The following LEKR1 variants were observed in gnomAD, a reference collection of about 807,000 sequenced individuals.
LEKR1 encodes leucine, glutamate and lysine rich 1.
Under a neutral mutation model 72.4 loss-of-function variants are expected in LEKR1, and 59 were observed. The ratio of observed to expected loss-of-function variants is 0.82; its 90% CI spans 0.66 to 1.01. The LOEUF (loss-of-function observed/expected upper bound fraction) is 1.01. Among genes scored for constraint, LEKR1 ranks in the 50% least tolerant of loss-of-function variants. The probability of loss-of-function intolerance (pLI) is 0.00; values close to 1 mark genes in which losing one functional copy is unlikely to be tolerated. For missense variants in LEKR1, 728 were observed against 759.2 expected (o/e 0.96, Z 0.48); for synonymous variants, 257 against 263.2 (o/e 0.98, Z 0.23).
intron 10 of LEKR1, among the ~76,000 whole-genome samples, chr3:157,014,008 G>A (rs894539066): frequency 2.0e-5 from 3 of 150,848 alleles, no homozygotes; most frequent in East Asian, 1.9e-4. Context: ...AAATAACTAC[G>A]TATTTACTAA....
At chr3:157,004,846 G>GA (rs1438489611) in intron 9 of LEKR1, among the ~76,000 whole-genome samples, 1 of 151,316 alleles carries the variant, frequency 6.6e-6, no homozygotes, top group Non-Finnish European at 1.5e-5. Context: ...ATGTCTATGT[G>GA]AAAAAAGAAA....
At chr3:156,926,396 A>G (rs2108575133) in intron 4 of LEKR1, among the ~76,000 whole-genome samples, 1 of 152,184 alleles carries the variant, frequency 6.6e-6, no homozygotes, top group South Asian at 2.1e-4. Context: ...ACTAATTACT[A>G]ATTACCAAAG....
chr3:156,953,162 T>TA (rs35741457), intron 6 of LEKR1, among the ~76,000 whole-genome samples: 74,337 of 146,502 alleles, frequency 0.51, 20,100 homozygotes, highest in East Asian at 0.72. Context: ...GGGGAGTCTT[T>TA]AAAAAAAAAA....
At chr3:156,837,740 T>C (rs575274459) in intron 2 of LEKR1, among the ~76,000 whole-genome samples, 2 of 152,332 alleles carry the variant, frequency 1.3e-5, no homozygotes, top group East Asian at 3.9e-4. Context: ...AATCAGACTT[T>C]GCAAAGGAGA....
intron 6 of LEKR1, among the ~76,000 whole-genome samples, chr3:156,967,206 T>G (rs1330740390): frequency 2.0e-5 from 3 of 152,050 alleles, no homozygotes; most frequent in Non-Finnish European, 4.4e-5. Flanking sequence ...CTGGAAACTC[T>G]AGAAATCAGA....
At chr3:156,858,690 A>AT (rs537186460) in intron 3 of LEKR1, among the ~76,000 whole-genome samples, 19,749 of 150,000 alleles carry the variant, frequency 0.13, 1,715 homozygotes, top group African/African-American at 0.24. Context: ...AAAAAAAAAA[A>AT]AATCTGTTTT....
intron 6 of LEKR1, among the ~76,000 whole-genome samples, chr3:156,964,072 T>G (rs1401530220): frequency 6.6e-6 from 1 of 152,182 alleles, no homozygotes; most frequent in Admixed American, 6.6e-5. Context: ...GTATGTTATA[T>G]AGTTTAGTAT....
intron 9 of LEKR1, among the ~76,000 whole-genome samples, chr3:156,997,255 T>C (rs191467055): frequency 6.6e-6 from 1 of 152,268 alleles, no homozygotes; most frequent in Non-Finnish European, 1.5e-5. Flanking sequence ...TTCCTTAAAA[T>C]TCACAATTGA....
chr3:156,922,876 G>T (rs1480512634), intron 4 of LEKR1, among the ~76,000 whole-genome samples: 3 of 152,008 alleles, frequency 2.0e-5, no homozygotes, highest in Non-Finnish European at 4.4e-5. Context: ...TACTTTTAGA[G>T]GATTACTATT....
intron 7 of LEKR1, among the ~76,000 whole-genome samples, chr3:156,984,926 GTCTC>G (rs1275006286): frequency 6.6e-6 from 1 of 151,798 alleles, no homozygotes; most frequent in Non-Finnish European, 1.5e-5. Flanking sequence ...TCTTGGGACA[GTCTC>G]TATTATTGAG....
At chr3:156,884,487 C>A (rs1389249585) in intron 3 of LEKR1, among the ~76,000 whole-genome samples, 1 of 152,088 alleles carries the variant, frequency 6.6e-6, no homozygotes, top group African/African-American at 2.4e-5. Context: ...GTGGTAAATT[C>A]TCTCAGGATT....
intron 2 of LEKR1, among the ~76,000 whole-genome samples, chr3:156,837,608 A>G (rs1324920090): frequency 1.3e-5 from 2 of 152,316 alleles, no homozygotes; most frequent in East Asian, 1.9e-4. Context: ...CCTCTCCATG[A>G]CAGAAGACAC....
chr3:156,840,112 A>T (rs144595050), intron 2 of LEKR1, among the ~76,000 whole-genome samples: 5 of 152,164 alleles, frequency 3.3e-5, no homozygotes, highest in African/African-American at 1.2e-4. Flanking sequence ...GATTTTCTTA[A>T]CATTTTCTTT....
chr3:156,930,711 A>G (rs1253712406), intron 5 of LEKR1, among the ~76,000 whole-genome samples: 2 of 152,176 alleles, frequency 1.3e-5, no homozygotes, highest in Non-Finnish European at 2.9e-5. Context: ...TAGTGCTGGC[A>G]TATGGATCAA....
Position 157,028,152 on chromosome 3 carries a change from C to T in LEKR1, c.1418C>T (p.Thr473Ile). ...GATRDLRQEV[T>I]TLKEKLHKSH... is the part of the protein sequence containing the mutation. ...ACAAGAGATCTAAGGCAGGAAGTGA[C>T]CACTCTTAAAGAAAAACTTCACAAA... The change falls in exon 12 of 13, where the codon ACC becomes ATC. Residue 473 changes from threonine (T) to isoleucine (I), a missense_variant. Thr to Ile is a moderately conservative substitution (Grantham distance 89, BLOSUM62 -1). Transcript: ENST00000356539. 6.2e-7 allele frequency: 1 copy of T among 1,608,194 alleles called. No individual in the cohort carries two copies. The highest frequency in any genetic ancestry group is 8.5e-7 in the Non-Finnish European group (1 of 1,176,720).
At chr3:156,994,077 C>G (rs7624328) in intron 9 of LEKR1, among the ~76,000 whole-genome samples, 94,036 of 151,802 alleles carry the variant, frequency 0.62, 29,686 homozygotes, top group South Asian at 0.81. Flanking sequence ...TTTTTGTTTT[C>G]TATCATTTTC....
At chr3:156,852,732 T>TA (rs111501048) in intron 2 of LEKR1, 36 bp from the exon 3 acceptor site, 267,323 of 1,144,400 alleles carry the variant, frequency 0.23, 38,332 homozygotes, top group African/African-American at 0.62. Context: ...TTTTCAGAAT[T>TA]AAAAAAATTT....
At chr3:156,863,625 A>G (rs1026245600) in intron 3 of LEKR1, among the ~76,000 whole-genome samples, 1 of 152,142 alleles carries the variant, frequency 6.6e-6, no homozygotes, top group Non-Finnish European at 1.5e-5. Flanking sequence ...CTCATTGACT[A>G]AAGTATGATC....
chr3:156,930,647 CA>C (rs1020366720), intron 5 of LEKR1, among the ~76,000 whole-genome samples: 35 of 151,798 alleles, frequency 2.3e-4, no homozygotes, highest in African/African-American at 8.5e-4. Context: ...TCAAACAATC[CA>C]AAAAATGGCA....
Sources: allele counts gnomAD v4.1 joint callset (sites outside exome capture counted in the v4.1 genomes callset), GRCh38; gene constraint gnomAD v4.1.1; transcripts MANE v1.5; gene names NCBI Gene and HGNC (gene_info 2026-07-23, HGNC 2026-07-21).